VPS37A: variants seen among roughly 807,000 people sequenced by gnomAD.
VPS37A encodes VPS37A subunit of ESCRT-I.
VPS37A carries 30 observed loss-of-function variants against 49.8 expected under a neutral mutation model. The ratio of observed to expected loss-of-function variants is 0.60; its 90% CI spans 0.45 to 0.82. The LOEUF is 0.82. VPS37A is among the 40% of genes least tolerant of loss of function. VPS37A has a pLI of 0.00. For missense variants in VPS37A, 593 were observed against 464.4 expected (o/e 1.28, Z -2.55); for synonymous variants, 195 against 160.6 (o/e 1.21, Z -1.62).
At chr8:17,278,484 C>CT (rs1814736565) in intron 6 of VPS37A, among the ~76,000 whole-genome samples, 1 of 152,024 alleles carries the variant, frequency 6.6e-6, no homozygotes, top group Non-Finnish European at 1.5e-5. Flanking sequence ...TAATGAGTTG[C>CT]TGCACTATCT....
intron 11 of VPS37A, among the ~76,000 whole-genome samples, chr8:17,291,639 C>G (rs1162058225): frequency 6.6e-6 from 1 of 152,112 alleles, no homozygotes; most frequent in African/African-American, 2.4e-5. Flanking sequence ...CCTCTAAACA[C>G]AGTTTTGCTC....
downstream of VPS37A, chr8:17,306,089 A>C (rs1439217615): frequency 7.1e-6 from 5 of 705,752 alleles, no homozygotes; most frequent in East Asian, 1.4e-4. Context: ...GGAATGACAA[A>C]AAAGGTAGAA....
chr8:17,286,700 T>G (rs1379073886), intron 11 of VPS37A: 18 of 314,476 alleles, frequency 5.7e-5, no homozygotes, highest in Non-Finnish European at 1.1e-4. Context: ...AGTCAGTTCC[T>G]TTCTCTCACC....
the VPS37A span, among the ~76,000 whole-genome samples, chr8:17,322,815 A>AC: frequency 0.12 from 17,571 of 151,906 alleles, 1,387 homozygotes; most frequent in Non-Finnish European, 0.18. Context: ...ACACAGGGAG[A>AC]CCCTCTCTCT....
At chr8:17,305,596 T>TTTATGAAATGACACC (rs769074962), downstream of VPS37A, among the ~76,000 whole-genome samples, 9 of 152,158 alleles carry the variant, frequency 5.9e-5, no homozygotes, top group Non-Finnish European at 1.0e-4. Flanking sequence ...ATTTAAACCA[T>TTTATGAAATGACACC]TTATGAAATG....
the VPS37A span, among the ~76,000 whole-genome samples, chr8:17,319,238 C>A: frequency 6.6e-6 from 1 of 152,184 alleles, no homozygotes; most frequent in Non-Finnish European, 1.5e-5. Flanking sequence ...GCCTCGCTGT[C>A]TTCAAATATA....
chr8:17,262,800 C>T (rs1231312675), intron 1 of VPS37A, among the ~76,000 whole-genome samples: 3 of 152,068 alleles, frequency 2.0e-5, no homozygotes, highest in African/African-American at 4.8e-5. Context: ...CGGTGACTCA[C>T]GCCTGTAATC....
At chr8:17,280,195 A>C in intron 7 of VPS37A, 40 bp downstream of exon 7, 1 of 1,610,870 alleles carries the variant, frequency 6.2e-7, no homozygotes, top group Non-Finnish European at 8.5e-7. Flanking sequence ...TCCTGAAAAA[A>C]ATCTCATCTT....
intron 10 of VPS37A, 87 bp downstream of exon 10, chr8:17,284,703 T>C: frequency 7.0e-7 from 1 of 1,423,926 alleles, no homozygotes; most frequent in South Asian, 1.4e-5. Context: ...GTTAGCTATT[T>C]CTCTATTATG....
chr8:17,263,278 G>A (rs934723854), intron 1 of VPS37A, among the ~76,000 whole-genome samples: 1 of 151,774 alleles, frequency 6.6e-6, no homozygotes, highest in Admixed American at 6.6e-5. Flanking sequence ...TGAATGTTTT[G>A]GAATAAGTTT....
the VPS37A span, among the ~76,000 whole-genome samples, chr8:17,310,560 G>T: frequency 6.6e-6 from 1 of 152,128 alleles, no homozygotes; most frequent in African/African-American, 2.4e-5. Context: ...AAATGCAAAT[G>T]AAGCAATCCA....
chr8:17,320,998 C>CTT, the VPS37A span, among the ~76,000 whole-genome samples: 23,923 of 151,418 alleles, frequency 0.16, 2,127 homozygotes, highest in East Asian at 0.3. Flanking sequence ...CTCTTGCAGT[C>CTT]TTTTTTTTTA....
intron 4 of VPS37A, among the ~76,000 whole-genome samples, chr8:17,272,832 G>C (rs1814124009): frequency 2.3e-5 from 3 of 131,362 alleles, no homozygotes; most frequent in Admixed American, 1.5e-4. Flanking sequence ...GTATAAAGGA[G>C]TATAGAGTGA....
At chr8:17,303,600 T>G (rs1158006983), downstream of VPS37A, among the ~76,000 whole-genome samples, 1 of 131,004 alleles carries the variant, frequency 7.6e-6, no homozygotes, top group Non-Finnish European at 1.6e-5. Flanking sequence ...ATTCTCCCCA[T>G]ACATACAATC....
intron 10 of VPS37A, among the ~76,000 whole-genome samples, chr8:17,285,906 CGTTTTTTT>C (rs1397658264): frequency 2.0e-5 from 3 of 152,098 alleles, no homozygotes; most frequent in African/African-American, 7.2e-5. Flanking sequence ...CAAGCAAGAG[CGTTTTTTT>C]GTTTTTTTGG....
intron 1 of VPS37A, among the ~76,000 whole-genome samples, chr8:17,249,964 G>A (rs961201951): frequency 4.6e-5 from 7 of 152,148 alleles, no homozygotes; most frequent in African/African-American, 1.7e-4. Context: ...CAGAGGTAGG[G>A]GAAACCCACC....
chr8:17,315,437 C>G, the VPS37A span, among the ~76,000 whole-genome samples: 10 of 152,050 alleles, frequency 6.6e-5, no homozygotes, highest in African/African-American at 2.4e-4. Flanking sequence ...ACAGAATGTC[C>G]AACAGCAAGA....
chr8:17,332,614 T>C, the VPS37A span, among the ~76,000 whole-genome samples: 3 of 152,222 alleles, frequency 2.0e-5, no homozygotes, highest in Admixed American at 1.3e-4. Context: ...CTGCTGCCGC[T>C]GCTGCTGCCC....
chr8:17,302,893 T>C (rs898176103), downstream of VPS37A, among the ~76,000 whole-genome samples: 3 of 151,752 alleles, frequency 2.0e-5, no homozygotes, highest in Non-Finnish European at 2.9e-5. Context: ...TTTTTTTTAG[T>C]AGAGACAGGG....
Sources: gnomAD v4.1 joint callset for allele counts (sites outside exome capture counted in the v4.1 genomes callset) on GRCh38, gnomAD v4.1.1 for gene constraint, MANE v1.5 for transcripts, NCBI Gene and HGNC (gene_info 2026-07-23, HGNC 2026-07-21) for gene names.